SPINDOC: variants seen among roughly 807,000 people sequenced by gnomAD.
The protein encoded by SPINDOC is spindlin interactor and repressor of chromatin-binding protein.
A neutral mutation model predicts 30.7 loss-of-function variants in SPINDOC; 13 were observed. That is an observed-to-expected ratio of 0.42 (90% CI 0.28 to 0.67). The LOEUF is 0.67. Among genes scored for constraint, SPINDOC ranks in the 30% least tolerant of loss-of-function variants. The probability of loss-of-function intolerance (pLI) is 0.22; values close to 1 mark genes in which losing one functional copy is unlikely to be tolerated. For synonymous variants in SPINDOC, 228 were observed against 211.4 expected (o/e 1.08, Z -0.68); for missense variants, 438 against 518.0 (o/e 0.85, Z 1.50).
At chr11:63,816,178 C>T (rs183512769) in intron 1 of SPINDOC, among the ~76,000 whole-genome samples, 12 of 152,148 alleles carry the variant, frequency 7.9e-5, no homozygotes, top group Non-Finnish European at 1.0e-4. Context: ...GAATGGGGTG[C>T]TCTAGTGAGG....
At position 63,818,274 on chromosome 11, in the gene SPINDOC, A is replaced by G. The variant is rs752394273; in HGVS notation, c.516A>G (p.Pro172=). ...CCAACCCAGACGCTGCCAGAATGCC[A>G]GCCGAAATCGTCGTTCTCCTTGACT... ...PDANPDAARM[P]AEIVVLLDSE... The change falls in exon 3 of 6, where the codon CCA becomes CCG. Residue 172 remains proline (P), a synonymous_variant. Coordinates refer to ENST00000294244, the MANE Select transcript of SPINDOC (RefSeq NM_138471.3). This position sits in a 1 kb window ranked among gnomAD's most constrained non-coding sequence, Gnocchi z 5.3. 3 of 1,613,748 alleles carry G rather than the reference A, an allele frequency of 1.9e-6. No homozygotes were observed. The highest frequency in any genetic ancestry group is 2.5e-6 in the Non-Finnish European group (3 of 1,179,978).
chr11:63,824,579 G>C (rs1446091866), intron 5 of SPINDOC, among the ~76,000 whole-genome samples: 4 of 149,890 alleles, frequency 2.7e-5, no homozygotes, highest in African/African-American at 4.8e-5. Context: ...CGCTCCCTGG[G>C]AGATCTCATC....
chr11:63,815,657 G>A (rs1283898100), intron 1 of SPINDOC, among the ~76,000 whole-genome samples: 2 of 152,274 alleles, frequency 1.3e-5, no homozygotes, highest in East Asian at 3.9e-4. Context: ...GCAGGTTGGA[G>A]ACCGAGTCAG....
chr11:63,819,820 C>A (rs567477397), intron 5 of SPINDOC, among the ~76,000 whole-genome samples: 1 of 152,240 alleles, frequency 6.6e-6, no homozygotes, highest in Admixed American at 6.5e-5. Context: ...TTAGTGTTTC[C>A]TTGTTTCCTG....
chr11:63,824,549 C>T (rs1459884265), intron 5 of SPINDOC, among the ~76,000 whole-genome samples: 2 of 152,050 alleles, frequency 1.3e-5, no homozygotes, highest in East Asian at 1.9e-4. Flanking sequence ...TATCCGCAGC[C>T]GTGGGTCAGT....
chr11:63,817,072 T>C (rs992461169), intron 1 of SPINDOC, among the ~76,000 whole-genome samples: 1 of 152,112 alleles, frequency 6.6e-6, no homozygotes, highest in Admixed American at 6.6e-5. Context: ...CCCTAGCTAC[T>C]CAGGTGGCTA....
At chr11:63,824,230 C>T (rs1450387126) in intron 5 of SPINDOC, among the ~76,000 whole-genome samples, 6 of 152,132 alleles carry the variant, frequency 3.9e-5, no homozygotes, top group South Asian at 4.1e-4. Context: ...TTTATGATCT[C>T]GTGGTTACGG....
At chr11:63,813,845 A>G (rs2015263424) in intron 1 of SPINDOC, 32 bp downstream of exon 1, 3 of 1,493,870 alleles carry the variant, frequency 2.0e-6, no homozygotes, top group East Asian at 2.7e-5. Flanking sequence ...CTTCCGCGTC[A>G]CGGTGCGGGG....
In SPINDOC at chr11:63,822,154, G is replaced by A. The variant is rs369879295; in HGVS notation, c.934+3152G>A. Among the ~76,000 whole-genome samples the A allele has an allele frequency of 1.8e-3, 275 of 152,114 alleles. 5 individuals carry two copies. In the South Asian group the frequency reaches 0.055, roughly 30 times the overall value. ...GGCTAGGTGTTCGAGACCAACCTGA[G>A]CAACATAAGGAGACTCCATCTCTAG... On this transcript the variant is annotated intron_variant, in intron 5 of 5. Transcript: ENST00000294244.
chr11:63,822,659 G>A (rs2015559917), intron 5 of SPINDOC: 1 of 1,289,026 alleles, frequency 7.8e-7, no homozygotes, highest in Non-Finnish European at 1.0e-6. Context: ...TCCAGTCCTG[G>A]CTCCCTGAGA....
At position 63,817,787 on chromosome 11, in the gene SPINDOC, C is replaced by CT; in HGVS notation, c.128-18_128-17insT. ...TGGGCACCTTTAGTGATAACACCCTCCCCCTCTCCCCTCGCAGTGACCCAA... is the reference window on the plus strand; with the variant it reads ...TGGGCACCTTTAGTGATAACACCCTCTCCCCTCTCCCCTCGCAGTGACCCAA... On this transcript the variant is annotated splice_polypyrimidine_tract_variant and intron_variant, in intron 1 of 5. Transcript: ENST00000294244. The CT allele has an allele frequency of 6.5e-7, 1 of 1,536,588 alleles. No homozygotes were observed. Among genetic ancestry groups the CT allele is most frequent in the South Asian group, 1.2e-5 (1 of 80,782 alleles).
chr11:63,822,628 A>G (rs2015558430), intron 5 of SPINDOC: 1 of 1,288,856 alleles, frequency 7.8e-7, no homozygotes, highest in Non-Finnish European at 1.0e-6. Flanking sequence ...TAACTGTCTC[A>G]AGTTTCAGCT....
intron 5 of SPINDOC, 38 bp downstream of exon 5, chr11:63,819,040 G>T: frequency 6.5e-7 from 1 of 1,532,004 alleles, no homozygotes; most frequent in African/African-American, 1.4e-5. Context: ...TAGGGACCTC[G>T]CAGGCAGCGC....
chr11:63,826,653 C>G lies in SPINDOC; in HGVS notation c.935-275C>G, dbSNP rs558653997. Among the ~76,000 whole-genome samples, 10 of 152,306 alleles carry G rather than the reference C, an allele frequency of 6.6e-5. No homozygotes were observed. In the South Asian group the frequency reaches 1.7e-3, roughly 25 times the overall value. ...GAAGAGGCACGAGCACCAGGCGTCC[C>G]TGTGCCAAAATACACACAGGAGGAA... On this transcript the variant is annotated intron_variant, in intron 5 of 5. Coordinates refer to ENST00000294244, the MANE Select transcript of SPINDOC (RefSeq NM_138471.3).
chr11:63,824,477 G>A (rs2015603850), intron 5 of SPINDOC, among the ~76,000 whole-genome samples: 1 of 152,162 alleles, frequency 6.6e-6, no homozygotes, highest in South Asian at 2.1e-4. Context: ...GCGGTAACCA[G>A]AACAGTGCCT....
At chr11:63,826,000 G>A (rs1216218175) in intron 5 of SPINDOC, among the ~76,000 whole-genome samples, 1 of 151,408 alleles carries the variant, frequency 6.6e-6, no homozygotes, top group Admixed American at 6.6e-5. Context: ...GTGCAGTGGC[G>A]TGATCTTGGC....
intron 5 of SPINDOC, among the ~76,000 whole-genome samples, chr11:63,822,432 T>TCACC (rs2015549874): frequency 6.8e-6 from 1 of 146,586 alleles, no homozygotes; most frequent in Non-Finnish European, 1.5e-5. Context: ...CACACTCCAC[T>TCACC]CACCCCTCAC....
rs202200851 is a variant in SPINDOC at position 63,826,947 on chromosome 11, C to A, written c.954C>A (p.Arg318=). The part of the protein sequence containing the change: ...SPSPAPPPGL[R]GTLDLQVIRV... ...GCCCAGCTCCCCCTCCGGGGCTCCGCGGGACACTGGATCTCCAGGTTATCC... is the reference window on the plus strand; with the variant it reads ...GCCCAGCTCCCCCTCCGGGGCTCCGAGGGACACTGGATCTCCAGGTTATCC... Residue 318 remains arginine, a synonymous_variant, in exon 6 of 6, where the codon CGC becomes CGA. Transcript: ENST00000294244. 1.9e-5 allele frequency: 30 copies of A among 1,577,766 alleles called. No homozygotes were observed. The highest frequency in any genetic ancestry group is 2.6e-5 in the Non-Finnish European group (30 of 1,148,178).
intron 5 of SPINDOC, chr11:63,823,213 C>G (rs1788127091): frequency 7.8e-7 from 1 of 1,288,872 alleles, no homozygotes; most frequent in Non-Finnish European, 1.0e-6. Flanking sequence ...GGCTCTGGAC[C>G]TGTGGTTTCA....
Sources: allele counts gnomAD v4.1 joint callset (sites outside exome capture counted in the v4.1 genomes callset), GRCh38; gene constraint gnomAD v4.1.1; non-coding constraint Gnocchi (gnomAD v3.1); transcripts MANE v1.5; gene names NCBI Gene and HGNC (gene_info 2026-07-23, HGNC 2026-07-21).